Variants in FUT8 observed in about 807,000 individuals in gnomAD.
FUT8 encodes the protein fucosyltransferase 8.
A neutral mutation model predicts 71.3 loss-of-function variants in FUT8; 29 were observed. That is an observed-to-expected ratio of 0.41 (90% CI 0.30 to 0.55). FUT8 has a LOEUF of 0.55. FUT8 is among the 20% of genes least tolerant of loss of function. The pLI is 0.34. For synonymous variants in FUT8, 254 were observed against 239.3 expected (o/e 1.06, Z -0.57); for missense variants, 544 against 702.1 (o/e 0.77, Z 2.55).
chr14:65,724,333 A>G lies in FUT8; in HGVS notation c.1259+10A>G. On this transcript the variant is annotated intron_variant, in intron 9 of 10. Transcript: ENST00000673929. ...AGGAGGCAAAAACAAAGTAAGTTAG[A>G]CCAACTAGTGATTCTAGAGTGGGGT... is the stretch of plus-strand genomic sequence containing the variant. 6.4e-7 allele frequency: 1 copy of G among 1,563,106 alleles called. No homozygotes were observed. Among genetic ancestry groups the G allele is most frequent in the South Asian group, 1.2e-5 (1 of 85,506 alleles).
intron 3 of FUT8, among the ~76,000 whole-genome samples, chr14:65,584,172 G>C (rs1332988168): frequency 8.1e-6 from 1 of 123,792 alleles, no homozygotes; most frequent in Non-Finnish European, 1.7e-5. Flanking sequence ...GAGCCACCAC[G>C]CCCAGCCTTT....
chr14:65,511,407 C>A (rs1392830730), intron 2 of FUT8, among the ~76,000 whole-genome samples: 2 of 152,144 alleles, frequency 1.3e-5, no homozygotes, highest in African/African-American at 4.8e-5. Context: ...AAGAAATATT[C>A]TTTAAATATC....
chr14:65,713,084 C>G (rs1194332383), intron 7 of FUT8, among the ~76,000 whole-genome samples: 1 of 152,152 alleles, frequency 6.6e-6, no homozygotes, highest in East Asian at 1.9e-4. Flanking sequence ...TGGTCACTGT[C>G]ATTCTACACT....
chr14:65,391,247 G>C, the FUT8 span, among the ~76,000 whole-genome samples: 1 of 152,322 alleles, frequency 6.6e-6, no homozygotes, highest in Middle Eastern at 3.4e-3. Flanking sequence ...CAGTGAGGCT[G>C]TGTGATTTAC....
chr14:65,418,955 G>A (rs546806835), intron 1 of FUT8, among the ~76,000 whole-genome samples: 138 of 152,284 alleles, frequency 9.1e-4, no homozygotes, highest in Admixed American at 8.5e-3. Context: ...TAGGCCGGGC[G>A]CGGTGGCTCA....
chr14:65,625,804 C>T (rs966295154), intron 5 of FUT8, among the ~76,000 whole-genome samples: 1 of 152,170 alleles, frequency 6.6e-6, no homozygotes, highest in South Asian at 2.1e-4. Context: ...AATAGTTTCA[C>T]TTTATTCAAA....
chr14:65,554,032 ACAC>A (rs1885440862), intron 2 of FUT8, among the ~76,000 whole-genome samples: 1 of 152,106 alleles, frequency 6.6e-6, no homozygotes. Context: ...AACTCCAGTT[ACAC>A]CTGCACTAGA....
upstream of FUT8, among the ~76,000 whole-genome samples, chr14:65,408,481 C>T (rs1258859881): frequency 6.6e-6 from 1 of 152,146 alleles, no homozygotes; most frequent in Non-Finnish European, 1.5e-5. Context: ...AAATCTCCTA[C>T]CATATTAGGG....
intron 7 of FUT8, among the ~76,000 whole-genome samples, chr14:65,696,095 G>A (rs1207626811): frequency 1.3e-5 from 2 of 152,042 alleles, no homozygotes; most frequent in Non-Finnish European, 2.9e-5. Context: ...CATAAGCTAT[G>A]ATCACCAAAT....
intron 2 of FUT8, among the ~76,000 whole-genome samples, chr14:65,515,763 G>A (rs1882670923): frequency 1.3e-5 from 2 of 152,056 alleles, no homozygotes; most frequent in Admixed American, 6.5e-5. Context: ...GTATTGAAGG[G>A]TTACAAAGTG....
At chr14:65,739,442 C>T (rs879464784) in intron 10 of FUT8, among the ~76,000 whole-genome samples, 1 of 152,068 alleles carries the variant, frequency 6.6e-6, no homozygotes, top group Non-Finnish European at 1.5e-5. Flanking sequence ...GATAGCAAAA[C>T]ATACACTAAT....
At chr14:65,405,979 CCAT>C (rs1299801813), upstream of FUT8, among the ~76,000 whole-genome samples, 8 of 152,282 alleles carry the variant, frequency 5.3e-5, no homozygotes, top group East Asian at 1.5e-3. Flanking sequence ...GCTCTCGCTG[CCAT>C]CATAATAAAA....
rs1309828020 is a variant in FUT8, at chr14:65,743,708, G to T, written c.*1298G>T. The T allele has an allele frequency of 2.0e-5, 3 of 151,784 alleles. No homozygotes were observed. The highest frequency in any genetic ancestry group is 4.4e-5 in the Non-Finnish European group (3 of 67,866). The allele number at this position is 151,784 out of a possible 1,614,324, so 9.4% of individuals were successfully genotyped here. On this transcript the variant is annotated 3_prime_UTR_variant, in exon 11 of 11. Coordinates refer to ENST00000673929, the MANE Select transcript of FUT8 (RefSeq NM_001371533.1). ...GGAGACTCACAATGGACTGAGTCTT[G>T]GGATTATCTTTTCCAAATTCTTCCA...
intron 6 of FUT8, among the ~76,000 whole-genome samples, chr14:65,666,640 T>C (rs770759578): frequency 2.6e-5 from 4 of 152,124 alleles, no homozygotes; most frequent in East Asian, 3.9e-4. Context: ...TCCAAAAAAT[T>C]GAGGAGGAGA....
chr14:65,632,922 T>G (rs1310443464), intron 6 of FUT8, among the ~76,000 whole-genome samples: 1 of 151,944 alleles, frequency 6.6e-6, no homozygotes, highest in Non-Finnish European at 1.5e-5. Flanking sequence ...TTCAGTTTCA[T>G]TCTCCTACAT....
At chr14:65,686,590 C>T (rs1009940013) in intron 7 of FUT8, among the ~76,000 whole-genome samples, 3 of 151,828 alleles carry the variant, frequency 2.0e-5, no homozygotes, top group Non-Finnish European at 4.4e-5. Context: ...TTGTTAAGAA[C>T]AGTTTGTACA....
chr14:65,543,061 C>T (rs1221382488), intron 2 of FUT8, among the ~76,000 whole-genome samples: 1 of 152,158 alleles, frequency 6.6e-6, no homozygotes, highest in South Asian at 2.1e-4. Flanking sequence ...GGATTACAGG[C>T]GTGAGCCACC....
At chr14:65,536,071 A>G (rs1243089543) in intron 2 of FUT8, among the ~76,000 whole-genome samples, 2 of 151,760 alleles carry the variant, frequency 1.3e-5, no homozygotes, top group Non-Finnish European at 2.9e-5. Context: ...GTTGGCTTAA[A>G]ATCTGTTTTT....
intron 2 of FUT8, among the ~76,000 whole-genome samples, chr14:65,459,779 C>T (rs989225750): frequency 6.6e-6 from 1 of 151,986 alleles, no homozygotes; most frequent in Non-Finnish European, 1.5e-5. Context: ...TTTTATTTCA[C>T]GAACACTGCC....
Sources: gnomAD v4.1 joint callset for allele counts (sites outside exome capture counted in the v4.1 genomes callset) on GRCh38, gnomAD v4.1.1 for gene constraint, MANE v1.5 for transcripts, NCBI Gene and HGNC (gene_info 2026-07-23, HGNC 2026-07-21) for gene names.